CEP70: variants seen among roughly 807,000 people sequenced by gnomAD.
CEP70 encodes the protein centrosomal protein of 70 kDa.
CEP70 carries 70 observed loss-of-function variants against 90.9 expected under a neutral mutation model. The ratio of observed to expected loss-of-function variants is 0.77; its 90% CI spans 0.64 to 0.94. CEP70 has a LOEUF of 0.94. Ranked by LOEUF, CEP70 falls within the 40% of genes least tolerant of loss-of-function variation. CEP70 has a pLI of 0.00. For missense variants in CEP70, 648 were observed against 669.0 expected (o/e 0.97, Z 0.35); for synonymous variants, 220 against 228.3 (o/e 0.96, Z 0.33).
chr3:138,496,203 C>T lies in CEP70; in HGVS notation c.1733-1127G>A, dbSNP rs116577330. 1,571 of 985,430 alleles carry T rather than the reference C, an allele frequency of 1.6e-3. 20 individuals carry two copies. The African/African-American group carries it at 0.026, about 16-fold the overall frequency. 61.0% of individuals were successfully genotyped at this position (985,430 alleles called of 1,614,324 possible). ...AAGCCATCATTAATAAACGCGTTCC[C>T]TTACATAAAGCATGCTTTCTTGGAT... On this transcript the variant is annotated intron_variant, in intron 17 of 17. Coordinates refer to ENST00000264982, the MANE Select transcript of CEP70 (RefSeq NM_024491.4).
At chr3:138,520,406 A>C (rs2036502453) in intron 11 of CEP70, among the ~76,000 whole-genome samples, 1 of 152,190 alleles carries the variant, frequency 6.6e-6, no homozygotes, top group Non-Finnish European at 1.5e-5. Context: ...CACCACACCT[A>C]TTCCAAAATC....
At chr3:138,559,544 C>A (rs2040247648) in intron 6 of CEP70, among the ~76,000 whole-genome samples, 1 of 152,138 alleles carries the variant, frequency 6.6e-6, no homozygotes. Context: ...ACCAGCCTGG[C>A]CAACCTGGTG....
In CEP70 at chr3:138,554,921, A is replaced by G. The variant is rs1576804939; in HGVS notation, c.465+15397T>C. ...CTGGGATAATTGGCACGCCACATGT[A>G]GAAGAATGAAACTTGATCCTCATCT... On this transcript the variant is annotated intron_variant, in intron 6 of 17. Coordinates refer to ENST00000264982, the MANE Select transcript of CEP70 (RefSeq NM_024491.4). Among the ~76,000 whole-genome samples, 4 of 152,240 alleles carry G rather than the reference A, an allele frequency of 2.6e-5. No homozygotes were observed. In the Middle Eastern group the frequency reaches 0.014, roughly 518 times the overall value.
In CEP70 at chr3:138,505,337, A is replaced by C. The variant is rs777037095; in HGVS notation, c.1179T>G (p.Val393=). The change falls in exon 13 of 18, where the codon GTT becomes GTG. Residue 393 remains valine, a synonymous_variant. Coordinates refer to ENST00000264982, the MANE Select transcript of CEP70 (RefSeq NM_024491.4). The part of the protein sequence containing the change: ...LVQDCGFEHL[V]PVIEMWADQL... ...GATCTGCCCACATTTCTATTACAGG[A>C]ACAAGATGCTCAAATCCACAATCTT... 7 of 1,612,222 alleles carry C rather than the reference A, an allele frequency of 4.3e-6. No homozygotes were observed. The highest frequency in any genetic ancestry group is 5.9e-6 in the Non-Finnish European group (7 of 1,179,336).
intron 2 of CEP70, among the ~76,000 whole-genome samples, chr3:138,588,039 C>A (rs1311771561): frequency 6.6e-6 from 1 of 150,486 alleles, no homozygotes; most frequent in African/African-American, 2.4e-5. Context: ...CAATGGGATG[C>A]CCATGTACAA....
At chr3:138,549,743 CAGG>C (rs2039481935) in intron 6 of CEP70, among the ~76,000 whole-genome samples, 1 of 152,138 alleles carries the variant, frequency 6.6e-6, no homozygotes, top group Admixed American at 6.5e-5. Flanking sequence ...CACCTCCTGG[CAGG>C]AGGTCAACCA....
intron 2 of CEP70, among the ~76,000 whole-genome samples, chr3:138,577,194 G>A (rs773448): frequency 0.58 from 87,161 of 151,442 alleles, 25,585 homozygotes; most frequent in East Asian, 0.93. Context: ...AGGGCCTGTC[G>A]TGGGGTGGGG....
chr3:138,571,924 G>A (rs993892179), intron 3 of CEP70, among the ~76,000 whole-genome samples: 9 of 152,106 alleles, frequency 5.9e-5, no homozygotes, highest in African/African-American at 1.4e-4. Flanking sequence ...GACTACAGGC[G>A]CCCGCCACCA....
chr3:138,503,163 T>C (rs1349351699), intron 13 of CEP70, among the ~76,000 whole-genome samples: 2 of 152,196 alleles, frequency 1.3e-5, no homozygotes, highest in South Asian at 2.1e-4. Context: ...TGAAACTTTA[T>C]ACCCATTAAA....
intron 7 of CEP70, 88 bp from the exon 8 acceptor site, chr3:138,532,658 G>A (rs2037930439): frequency 1.7e-6 from 2 of 1,144,478 alleles, no homozygotes; most frequent in Non-Finnish European, 2.3e-6. Context: ...AAATTACAGT[G>A]TAAAAGTAAG....
At chr3:138,534,299 A>G (rs1426669500) in intron 7 of CEP70, among the ~76,000 whole-genome samples, 1 of 151,936 alleles carries the variant, frequency 6.6e-6, no homozygotes, top group Non-Finnish European at 1.5e-5. Flanking sequence ...TTTCTCTTCA[A>G]CCCTTCCCCA....
chr3:138,555,544 C>T (rs2039944590), intron 6 of CEP70, among the ~76,000 whole-genome samples: 1 of 152,090 alleles, frequency 6.6e-6, no homozygotes. Flanking sequence ...CCAGAATCTA[C>T]AAGAAACTCA....
At chr3:138,496,097 A>G (rs2033935961) in intron 17 of CEP70, 1 of 985,438 alleles carries the variant, frequency 1.0e-6, no homozygotes, top group African/African-American at 1.7e-5. Context: ...TTTTCTCATT[A>G]TCCAGATCCC....
intron 6 of CEP70, among the ~76,000 whole-genome samples, chr3:138,563,701 T>G (rs1403184201): frequency 1.3e-5 from 2 of 152,112 alleles, no homozygotes; most frequent in Non-Finnish European, 2.9e-5. Context: ...TAAAGCAGTG[T>G]GTAGAGGGAA....
rs553802605 is a variant in CEP70 at position 138,556,614 on chromosome 3, G to T, written c.465+13704C>A. Among the ~76,000 whole-genome samples the T allele has an allele frequency of 7.3e-5, 11 of 150,862 alleles. No homozygotes were observed. In the East Asian group the frequency reaches 1.8e-3, roughly 24 times the overall value. On this transcript the variant is annotated intron_variant, in intron 6 of 17. Transcript: ENST00000264982. ...TTCTTTTCTATTTTCCCTAAGCATC[G>T]TCCGGGTTGAGAAATAAAGGGACAG...
chr3:138,536,705 T>TCAGA, intron 7 of CEP70, among the ~76,000 whole-genome samples: 1 of 150,918 alleles, frequency 6.6e-6, no homozygotes, highest in South Asian at 2.1e-4. Flanking sequence ...AAATGTAAAA[T>TCAGA]CAGAATTTAA....
At chr3:138,521,303 C>T (rs1260994932) in intron 11 of CEP70, among the ~76,000 whole-genome samples, 5 of 152,008 alleles carry the variant, frequency 3.3e-5, no homozygotes, top group South Asian at 4.2e-4. Flanking sequence ...TCTGCCCAGC[C>T]GCCCAGTCTG....
At chr3:138,529,148 G>T in intron 10 of CEP70, 51 bp downstream of exon 10, 3 of 1,123,814 alleles carry the variant, frequency 2.7e-6, no homozygotes, top group South Asian at 1.4e-5. Context: ...CTGAGTGACA[G>T]AGTGAGACCC....
chr3:138,495,047 C>A lies in CEP70; in HGVS notation c.1762G>T (p.Ala588Ser), dbSNP rs367848014. The change falls in exon 18 of 18, where the codon GCA (alanine) becomes TCA (serine). Residue 588 changes from alanine to serine, a missense_variant. Ala to Ser is a moderately conservative substitution (Grantham distance 99). Transcript: ENST00000264982. ...GAAAGTACTTTTAATTTCTTTACTG[C>A]AGGTACAATGGCATCCAAGTCATCA... is the stretch of plus-strand genomic sequence containing the variant. Reference protein sequence around the residue: ...EIDDLDAIVPAVKKLKVLSY With the variant: ...EIDDLDAIVPSVKKLKVLSY 3.1e-5 allele frequency: 48 copies of A among 1,553,064 alleles called. No individual in the cohort carries two copies. The highest frequency in any genetic ancestry group is 4.0e-5 in the Non-Finnish European group (45 of 1,127,220).
Sources: gnomAD v4.1 joint callset for allele counts (sites outside exome capture counted in the v4.1 genomes callset) on GRCh38, gnomAD v4.1.1 for gene constraint, MANE v1.5 for transcripts, NCBI Gene and HGNC (gene_info 2026-07-23, HGNC 2026-07-21) for gene names.